The following VRK2 variants were observed in gnomAD, a reference collection of about 807,000 sequenced individuals.
VRK2 encodes the protein serine/threonine-protein kinase VRK2.
VRK2 carries 60 observed loss-of-function variants against 57.6 expected under a neutral mutation model. That is an observed-to-expected ratio of 1.04 (90% CI 0.85 to 1.29). VRK2 has a LOEUF of 1.29. Among genes scored for constraint, VRK2 ranks in the 50% most tolerant of loss-of-function variants. VRK2 has a pLI of 0.00. For synonymous variants in VRK2, 231 were observed against 199.2 expected (o/e 1.16, Z -1.35); for missense variants, 705 against 588.1 (o/e 1.20, Z -2.06).
chr2:58,038,157 G>C (rs1214050036), intron 3 of VRK2, among the ~76,000 whole-genome samples: 1 of 152,116 alleles, frequency 6.6e-6, no homozygotes, highest in African/African-American at 2.4e-5. Context: ...GGTGTTGAGG[G>C]AGAGGCCTGG....
chr2:58,057,844 A>G (rs1340213658), intron 2 of VRK2, among the ~76,000 whole-genome samples: 2 of 149,100 alleles, frequency 1.3e-5, no homozygotes, highest in African/African-American at 2.5e-5. Context: ...TTTAATGTAC[A>G]TTTTTTTTTT....
At chr2:58,031,580 T>C (rs912287378) in intron 2 of VRK2, among the ~76,000 whole-genome samples, 1 of 152,064 alleles carries the variant, frequency 6.6e-6, no homozygotes, top group African/African-American at 2.4e-5. Flanking sequence ...ATCAGATCAT[T>C]ACCACCACCA....
intron 2 of VRK2, chr2:58,028,423 T>C (rs1012622244): frequency 1.3e-5 from 2 of 152,118 alleles, no homozygotes; most frequent in South Asian, 2.1e-4. Flanking sequence ...AATAAACATA[T>C]GTGTGCATGT....
chr2:58,004,657 A>G (rs1254364495), intron 1 of VRK2, among the ~76,000 whole-genome samples: 1 of 152,164 alleles, frequency 6.6e-6, no homozygotes, highest in Non-Finnish European at 1.5e-5. Context: ...ATAATGGTTA[A>G]CTTTTTAAAT....
intron 2 of VRK2, among the ~76,000 whole-genome samples, chr2:58,056,690 G>A (rs1322725842): frequency 1.3e-5 from 2 of 152,152 alleles, no homozygotes; most frequent in Non-Finnish European, 2.9e-5. Flanking sequence ...GGTTGGACTG[G>A]TTAATTGGTA....
chr2:57,996,829 AGATT>A (rs1672938899), intron 1 of VRK2, among the ~76,000 whole-genome samples: 1 of 152,118 alleles, frequency 6.6e-6, no homozygotes, highest in African/African-American at 2.4e-5. Flanking sequence ...AATTATCTCT[AGATT>A]ATTTATAATA....
At chr2:58,112,273 G>A (rs1675680776) in intron 7 of VRK2, among the ~76,000 whole-genome samples, 1 of 152,200 alleles carries the variant, frequency 6.6e-6, no homozygotes, top group African/African-American at 2.4e-5. Flanking sequence ...CAGGCTGGAT[G>A]TGTTTGTCTA....
intron 2 of VRK2, among the ~76,000 whole-genome samples, chr2:58,061,297 A>C (rs1027657969): frequency 2.5e-4 from 38 of 151,992 alleles, no homozygotes; most frequent in Admixed American, 2.2e-3. Flanking sequence ...TGTTTGAGAA[A>C]TAGATAAATG....
chr2:58,028,903 A>AATAAATATATATATATAT (rs1553378204), intron 2 of VRK2, among the ~76,000 whole-genome samples: 1 of 54,024 alleles, frequency 1.9e-5, no homozygotes, highest in Non-Finnish European at 3.5e-5. Flanking sequence ...TAAATAAATA[A>AATAAATATATATATATAT]ATATATATAT....
At chr2:58,097,311 T>C (rs1346346448) in intron 7 of VRK2, among the ~76,000 whole-genome samples, 1 of 152,118 alleles carries the variant, frequency 6.6e-6, no homozygotes, top group Non-Finnish European at 1.5e-5. Context: ...CTATAGTTTT[T>C]TTTTAAATAA....
chr2:58,008,971 G>A (rs1188972685), intron 1 of VRK2, among the ~76,000 whole-genome samples: 1 of 152,082 alleles, frequency 6.6e-6, no homozygotes, highest in African/African-American at 2.4e-5. Context: ...GAGGAATGTG[G>A]TATACTCACA....
intron 10 of VRK2, among the ~76,000 whole-genome samples, chr2:58,136,650 G>A (rs1223608468): frequency 1.3e-5 from 2 of 151,594 alleles, no homozygotes; most frequent in Non-Finnish European, 2.9e-5. Flanking sequence ...CTCCCAAAGT[G>A]CTGGGATTAC....
intron 2 of VRK2, among the ~76,000 whole-genome samples, chr2:58,053,994 G>A (rs904893746): frequency 6.6e-6 from 1 of 152,060 alleles, no homozygotes; most frequent in African/African-American, 2.4e-5. Flanking sequence ...TTGGAGTTTT[G>A]TAAATTTAAT....
intron 1 of VRK2, among the ~76,000 whole-genome samples, chr2:57,915,431 A>G (rs895406631): frequency 6.6e-6 from 1 of 152,192 alleles, no homozygotes; most frequent in Non-Finnish European, 1.5e-5. Context: ...ATGTTCTACC[A>G]TCACATATTT....
chr2:58,145,054 C>G (rs1211565972), intron 11 of VRK2, among the ~76,000 whole-genome samples: 1 of 151,972 alleles, frequency 6.6e-6, no homozygotes, highest in Non-Finnish European at 1.5e-5. Flanking sequence ...TCTTCTGCCC[C>G]CTGTTTAACT....
intron 1 of VRK2, among the ~76,000 whole-genome samples, chr2:58,014,492 G>C (rs1306128723): frequency 1.3e-5 from 2 of 152,204 alleles, no homozygotes; most frequent in Non-Finnish European, 2.9e-5. Flanking sequence ...ATTCTTACCA[G>C]TTAAAACCAG....
rs925363019 is a variant in VRK2 at position 58,159,826 on chromosome 2, A to G, written c.*133A>G. 1.9e-6 allele frequency: 3 copies of G among 1,611,606 alleles called. No homozygotes were observed. The highest frequency in any genetic ancestry group is 1.3e-5 in the African/African-American group (1 of 74,960). On this transcript the variant is annotated 3_prime_UTR_variant, in exon 13 of 13. Coordinates refer to ENST00000340157, the MANE Select transcript of VRK2 (RefSeq NM_006296.7). The stretch of plus-strand genomic sequence containing the variant: ...CTTTAAAAAGAGAACATATTTTAAC[A>G]AAGTTTGTGGACACTCTAAAAAATA...
intron 1 of VRK2, among the ~76,000 whole-genome samples, chr2:57,938,352 A>T (rs1310395692): frequency 6.6e-6 from 1 of 152,230 alleles, no homozygotes; most frequent in East Asian, 1.9e-4. Flanking sequence ...CATGGGCAAG[A>T]CACAGTCTTG....
chr2:58,068,527 G>A (rs1320694439), intron 2 of VRK2, among the ~76,000 whole-genome samples: 3 of 151,928 alleles, frequency 2.0e-5, no homozygotes, highest in Admixed American at 6.6e-5. Flanking sequence ...TATCCTATTG[G>A]GGGTTCTTTG....
Sources: gnomAD v4.1 joint callset for allele counts (sites outside exome capture counted in the v4.1 genomes callset) on GRCh38, gnomAD v4.1.1 for gene constraint, MANE v1.5 for transcripts, NCBI Gene and HGNC (gene_info 2026-07-23, HGNC 2026-07-21) for gene names.